The following ELMO1 variants were observed in gnomAD, a reference collection of about 807,000 sequenced individuals.
ELMO1 encodes engulfment and cell motility protein 1.
ELMO1 carries 26 observed loss-of-function variants against 98.9 expected under a neutral mutation model. The observed-to-expected ratio is 0.26, with a 90% CI of 0.19 to 0.36. The LOEUF (loss-of-function observed/expected upper bound fraction) is 0.36. Among genes scored for constraint, ELMO1 ranks in the 10% least tolerant of loss-of-function variants. The pLI is 1.00. For synonymous variants in ELMO1, 346 were observed against 346.0 expected (o/e 1.00, Z 0.00); for missense variants, 627 against 935.2 (o/e 0.67, Z 4.30).
chr7:37,370,294 T>G (rs1246533392), intron 1 of ELMO1, among the ~76,000 whole-genome samples: 2 of 152,198 alleles, frequency 1.3e-5, no homozygotes, highest in African/African-American at 4.8e-5. Context: ...GTGTGTTTTT[T>G]GGGGCCCATT....
intron 15 of ELMO1, among the ~76,000 whole-genome samples, chr7:37,031,722 T>C (rs1794893238): frequency 6.6e-6 from 1 of 152,140 alleles, no homozygotes; most frequent in East Asian, 1.9e-4. Flanking sequence ...ACTTAGGGCC[T>C]CAAAAAATGT....
intron 1 of ELMO1, among the ~76,000 whole-genome samples, chr7:37,430,148 A>T (rs1804871488): frequency 6.6e-6 from 1 of 152,174 alleles, no homozygotes; most frequent in Admixed American, 6.5e-5. Context: ...TTGATTCCAA[A>T]TTCAATGTCT....
chr7:37,313,009 T>A (rs139323475), intron 4 of ELMO1, among the ~76,000 whole-genome samples: 94 of 152,352 alleles, frequency 6.2e-4, no homozygotes, highest in African/African-American at 2.2e-3. Flanking sequence ...TTAACTGCTA[T>A]CATTTAACTT....
chr7:37,371,549 T>C (rs1265785972), intron 1 of ELMO1, among the ~76,000 whole-genome samples: 2 of 152,174 alleles, frequency 1.3e-5, no homozygotes, highest in Non-Finnish European at 2.9e-5. Context: ...GGGGGTTCCT[T>C]CAGTAATAAA....
At chr7:36,987,361 A>G (rs756546778) in intron 16 of ELMO1, among the ~76,000 whole-genome samples, 4 of 152,118 alleles carry the variant, frequency 2.6e-5, no homozygotes, top group Non-Finnish European at 4.4e-5. Context: ...GGGGGCTCAT[A>G]AGGTGGCAAT....
intron 16 of ELMO1, among the ~76,000 whole-genome samples, chr7:36,966,808 G>C (rs1789474722): frequency 6.6e-6 from 1 of 152,204 alleles, no homozygotes; most frequent in Non-Finnish European, 1.5e-5. Flanking sequence ...AGAAACACCA[G>C]TTCAAATTAG....
At position 37,013,378 on chromosome 7, in the gene ELMO1, T is replaced by C; in HGVS notation, c.1358A>G (p.Glu453Gly). ...PMFFTHDRSF[E>G]EFFCICIQLL... The stretch of plus-strand genomic sequence containing the variant: ...CTGGATACAGATGCAGAAAAACTCC[T>C]CAAAGGATCTGTCGTGGGTGAAGAA... Residue 453 changes from glutamate (E) to glycine (G), a missense_variant, in exon 16 of 22, where the codon GAG becomes GGG. Physicochemically the swap from Glu to Gly is moderately conservative, Grantham distance 98. Around this residue, in one of 3 missense-constraint regions of ELMO1, gnomAD observed 492 missense variants for 715.6 expected, o/e 0.69. Transcript: ENST00000310758. The C allele has an allele frequency of 6.2e-7, 1 of 1,614,072 alleles. No individual in the cohort carries two copies. The highest frequency in any genetic ancestry group is 8.5e-7 in the Non-Finnish European group (1 of 1,179,998).
chr7:37,154,596 C>A (rs965944685), intron 13 of ELMO1, among the ~76,000 whole-genome samples: 7 of 151,948 alleles, frequency 4.6e-5, no homozygotes, highest in African/African-American at 1.2e-4. Flanking sequence ...TGAAAAAGAG[C>A]GAGAAGACAA....
At chr7:37,384,779 A>G in intron 1 of ELMO1, among the ~76,000 whole-genome samples, 1 of 152,286 alleles carries the variant, frequency 6.6e-6, no homozygotes, top group Non-Finnish European at 1.5e-5. Flanking sequence ...TAAGTTCTAG[A>G]TCTACTTGAG....
At chr7:36,879,027 T>C (rs1804207906) in intron 18 of ELMO1, among the ~76,000 whole-genome samples, 1 of 152,218 alleles carries the variant, frequency 6.6e-6, no homozygotes, top group African/African-American at 2.4e-5. Flanking sequence ...CACCACCAGT[T>C]TGGCTTGGAC....
At chr7:37,221,895 G>T (rs1356850149) in intron 10 of ELMO1, among the ~76,000 whole-genome samples, 2 of 151,988 alleles carry the variant, frequency 1.3e-5, no homozygotes, top group Admixed American at 6.6e-5. Flanking sequence ...ATGGGGCTTT[G>T]CCATATTGAC....
At chr7:37,089,065 A>G (rs910867132) in intron 15 of ELMO1, among the ~76,000 whole-genome samples, 1 of 152,220 alleles carries the variant, frequency 6.6e-6, no homozygotes, top group Non-Finnish European at 1.5e-5. Context: ...TTTAGCCAGA[A>G]TGTATTCCCC....
chr7:37,013,109 G>C (rs1012078299), intron 16 of ELMO1, among the ~76,000 whole-genome samples, 190 bp downstream of exon 16: 1 of 152,166 alleles, frequency 6.6e-6, no homozygotes, highest in African/African-American at 2.4e-5. Context: ...GAGGGATGAG[G>C]TCATCCCCAG....
intron 13 of ELMO1, among the ~76,000 whole-genome samples, chr7:37,208,075 C>T (rs985898503): frequency 2.6e-5 from 4 of 152,170 alleles, no homozygotes; most frequent in Non-Finnish European, 4.4e-5. Flanking sequence ...GCCTTGTTGG[C>T]GCAATGGCCA....
intron 16 of ELMO1, among the ~76,000 whole-genome samples, chr7:36,945,278 C>A (rs1255325622): frequency 2.6e-5 from 4 of 152,162 alleles, no homozygotes; most frequent in African/African-American, 9.7e-5. Context: ...CTTCTAGAAT[C>A]CTCTGACTCA....
intron 16 of ELMO1, among the ~76,000 whole-genome samples, chr7:37,011,824 TGAA>T (rs1476306064): frequency 6.6e-6 from 1 of 152,204 alleles, no homozygotes; most frequent in Admixed American, 6.5e-5. Context: ...TTGGTTTGAT[TGAA>T]CAAAGGCCTC....
intron 4 of ELMO1, among the ~76,000 whole-genome samples, chr7:37,284,821 T>C (rs1285283962): frequency 6.6e-6 from 1 of 152,022 alleles, no homozygotes; most frequent in Admixed American, 6.5e-5. Flanking sequence ...AGTTATTCAT[T>C]TATTGTCTCT....
intron 1 of ELMO1, among the ~76,000 whole-genome samples, chr7:37,444,136 T>G (rs1393515082): frequency 6.6e-6 from 1 of 152,194 alleles, no homozygotes; most frequent in Non-Finnish European, 1.5e-5. Flanking sequence ...GCCTTTGACT[T>G]TCTTCTTTGG....
chr7:36,920,209 T>C (rs116886167), intron 16 of ELMO1, among the ~76,000 whole-genome samples: 13 of 152,354 alleles, frequency 8.5e-5, no homozygotes, highest in Non-Finnish European at 1.8e-4. Flanking sequence ...ATTTGCTGAA[T>C]AGAAGTCAAT....
Sources: allele counts gnomAD v4.1 joint callset (sites outside exome capture counted in the v4.1 genomes callset), GRCh38; gene constraint gnomAD v4.1.1; regional missense constraint gnomAD v4.1.1; transcripts MANE v1.5; gene names NCBI Gene and HGNC (gene_info 2026-07-23, HGNC 2026-07-21).